SLC25A26: variants seen among roughly 807,000 people sequenced by gnomAD.
SLC25A26 encodes mitochondrial S-adenosylmethionine carrier protein.
In SLC25A26, 36 loss-of-function variants were observed where a neutral mutation model predicts 37.8. The ratio of observed to expected loss-of-function variants is 0.95; its 90% CI spans 0.73 to 1.26. SLC25A26 has a LOEUF of 1.26. Ranked by LOEUF, SLC25A26 falls within the 50% of genes most tolerant of loss-of-function variation. The pLI is 0.00. For synonymous variants in SLC25A26, 129 were observed against 122.5 expected (o/e 1.05, Z -0.35); for missense variants, 390 against 331.1 (o/e 1.18, Z -1.38).
chr3:66,211,761 T>G (rs994602004), intron 1 of SLC25A26, among the ~76,000 whole-genome samples: 1 of 152,242 alleles, frequency 6.6e-6, no homozygotes, highest in Non-Finnish European at 1.5e-5. Flanking sequence ...TCAAATATTT[T>G]AAATGCATTC....
At chr3:66,242,801 AT>A (rs1287569519) in intron 2 of SLC25A26, among the ~76,000 whole-genome samples, 7 of 152,236 alleles carry the variant, frequency 4.6e-5, no homozygotes, top group African/African-American at 1.7e-4. Flanking sequence ...TCTTTAAAGT[AT>A]GTTTGCAATT....
intron 5 of SLC25A26, among the ~76,000 whole-genome samples, chr3:66,319,823 C>A (rs9860357): frequency 6.2e-5 from 9 of 144,600 alleles, no homozygotes; most frequent in East Asian, 4.1e-4. Context: ...GTGTGATCTC[C>A]GCTCACCGCA....
chr3:66,135,881 C>T (rs1373394680), intron 1 of SLC25A26, among the ~76,000 whole-genome samples: 2 of 152,198 alleles, frequency 1.3e-5, no homozygotes, highest in Non-Finnish European at 2.9e-5. Context: ...GGAATATTCA[C>T]ATTGGATATT....
chr3:66,135,483 A>C (rs1184577354), intron 1 of SLC25A26, among the ~76,000 whole-genome samples: 1 of 152,194 alleles, frequency 6.6e-6, no homozygotes, highest in Non-Finnish European at 1.5e-5. Flanking sequence ...ATTGTGAACA[A>C]TTGGCTGGGT....
chr3:66,161,987 T>C (rs2070365802), intron 1 of SLC25A26, among the ~76,000 whole-genome samples: 1 of 152,214 alleles, frequency 6.6e-6, no homozygotes, highest in Non-Finnish European at 1.5e-5. Flanking sequence ...TTAGTATGCT[T>C]GGGCTGCCAT....
intron 6 of SLC25A26, among the ~76,000 whole-genome samples, chr3:66,353,074 C>T (rs2076496135): frequency 6.6e-6 from 1 of 152,088 alleles, no homozygotes; most frequent in Non-Finnish European, 1.5e-5. Context: ...GTCTTCTTCA[C>T]ACCACAGACA....
In SLC25A26 at chr3:66,147,082, C is replaced by T. The variant is rs1368163973; in HGVS notation, c.-354+13098C>T. 1.2e-3 allele frequency among the ~76,000 whole-genome samples: 3 copies of T among 2,444 alleles called. No individual in the cohort carries two copies. The East Asian group carries it at 0.06, about 49-fold the overall frequency. 1.6% of individuals were successfully genotyped at this position (2,444 alleles called of 152,430 possible). A position where few individuals can be genotyped will look rare whatever the true frequency, so the allele number is the denominator to read the frequency against. On this transcript the variant is annotated intron_variant, in intron 1 of 10. Coordinates refer to the SLC25A26 transcript ENST00000676754. ...CCCTTCCCTCCCCTTCCCTTCCCTC[C>T]CCTCCCCTCCCCTCCCCTCCCCTCC...
chr3:66,333,062 A>AT lies in SLC25A26; in HGVS notation c.454-13293dup, dbSNP rs201477875. 4.3e-3 allele frequency among the ~76,000 whole-genome samples: 651 copies of AT among 150,922 alleles called. 2 individuals carry two copies. The highest frequency in any genetic ancestry group is 5.6e-3 in the Non-Finnish European group (376 of 67,690). On this transcript the variant is annotated intron_variant, in intron 5 of 9. Transcript: ENST00000354883. ...GCGGGTGAGAAGTCTGATGCCTCTG[A>AT]TTTTTTTTTCCTGAAGTACTATGTT...
At chr3:66,293,560 G>C (rs2074789611) in intron 5 of SLC25A26, among the ~76,000 whole-genome samples, 1 of 151,558 alleles carries the variant, frequency 6.6e-6, no homozygotes, top group African/African-American at 2.4e-5. Flanking sequence ...CGTCCGATAG[G>C]CTGCAGTGTC....
At chr3:66,320,738 G>A (rs888815178) in intron 5 of SLC25A26, among the ~76,000 whole-genome samples, 1 of 152,078 alleles carries the variant, frequency 6.6e-6, no homozygotes, top group African/African-American at 2.4e-5. Context: ...GTCACCACTT[G>A]TTATTTTGTT....
At chr3:66,218,061 T>C (rs1390317544), upstream of SLC25A26, among the ~76,000 whole-genome samples, 1 of 152,198 alleles carries the variant, frequency 6.6e-6, no homozygotes, top group African/African-American at 2.4e-5. Context: ...CACTATAATT[T>C]TGTCTTTTCC....
chr3:66,364,707 C>T (rs1391193778), intron 7 of SLC25A26, among the ~76,000 whole-genome samples: 2 of 152,204 alleles, frequency 1.3e-5, no homozygotes, highest in Non-Finnish European at 2.9e-5. Context: ...GAACAACTAA[C>T]ATCCAGAAAA....
intron 1 of SLC25A26, among the ~76,000 whole-genome samples, chr3:66,229,833 A>G (rs2071926979): frequency 6.6e-6 from 1 of 152,068 alleles, no homozygotes; most frequent in Non-Finnish European, 1.5e-5. Flanking sequence ...TTCTAGAACC[A>G]TTATTATTGT....
chr3:66,371,184 T>A, intron 9 of SLC25A26: 1 of 1,471,722 alleles, frequency 6.8e-7, no homozygotes, highest in Non-Finnish European at 9.0e-7. Flanking sequence ...GCATGTGAAA[T>A]GATGATTTTT....
At chr3:66,318,817 A>AT (rs1199613878) in intron 5 of SLC25A26, among the ~76,000 whole-genome samples, 1 of 151,898 alleles carries the variant, frequency 6.6e-6, no homozygotes, top group East Asian at 1.9e-4. Context: ...ACATACAGCT[A>AT]TTTAAGTTTT....
chr3:66,209,894 CTATTTATATATATA>C (rs2071255550), intron 1 of SLC25A26, among the ~76,000 whole-genome samples: 3 of 13,192 alleles, frequency 2.3e-4, no homozygotes, highest in Non-Finnish European at 5.7e-4. Context: ...CTCTCTCTCT[CTATTTATATATATA>C]TATATATATA....
chr3:66,319,096 G>T (rs868372893), intron 5 of SLC25A26, among the ~76,000 whole-genome samples: 3 of 152,196 alleles, frequency 2.0e-5, no homozygotes, highest in South Asian at 2.1e-4. Context: ...AGCCATCCTT[G>T]AGAAACTTAG....
chr3:66,269,827 C>T (rs951007274), intron 5 of SLC25A26, among the ~76,000 whole-genome samples: 23 of 152,188 alleles, frequency 1.5e-4, no homozygotes, highest in African/African-American at 5.5e-4. Flanking sequence ...CTTTGATTTA[C>T]CTTGTTCTCT....
Position 66,262,165 on chromosome 3 carries a change from G to GT in SLC25A26, c.405+16dup, listed in dbSNP as rs574023551. On this transcript the variant is annotated intron_variant, in intron 4 of 9. Transcript: ENST00000354883. ...CATCTTATATGAAGAGGTGAGATGG[G>GT]TTTTTTAAGCTCTTCTTTTCTTTAT... 8.7e-6 allele frequency: 12 copies of GT among 1,373,140 alleles called. No individual in the cohort carries two copies. In the African/African-American group the frequency reaches 1.6e-4, roughly 18 times the overall value. 85.1% of individuals were successfully genotyped at this position (1,373,140 alleles called of 1,614,324 possible). A position where few individuals can be genotyped will look rare whatever the true frequency, so the allele number is the denominator to read the frequency against.
Sources: allele counts gnomAD v4.1 joint callset (sites outside exome capture counted in the v4.1 genomes callset), GRCh38; gene constraint gnomAD v4.1.1; transcripts MANE v1.5; gene names NCBI Gene and HGNC (gene_info 2026-07-23, HGNC 2026-07-21).